The following SASH1 variants were observed in gnomAD, a reference collection of about 807,000 sequenced individuals.
SASH1 encodes the protein SAM and SH3 domain containing 1, also known as SAM and SH3 domain-containing protein 1.
In SASH1, 44 loss-of-function variants were observed where a neutral mutation model predicts 125.2. The ratio of observed to expected loss-of-function variants is 0.35; its 90% CI spans 0.28 to 0.45. The LOEUF is 0.45. Among genes scored for constraint, SASH1 ranks in the 20% least tolerant of loss-of-function variants. The pLI, the probability that SASH1 is intolerant of heterozygous loss-of-function variation, is 1.00. For synonymous variants in SASH1, 639 were observed against 649.1 expected (o/e 0.98, Z 0.24); for missense variants, 1,426 against 1,614.5 (o/e 0.88, Z 2.00).
At chr6:148,368,198 G>A (rs1418321974) in intron 1 of SASH1, among the ~76,000 whole-genome samples, 2 of 152,220 alleles carry the variant, frequency 1.3e-5, no homozygotes, top group African/African-American at 4.8e-5. Context: ...CCCAACTGCA[G>A]TGAGCCCGTA....
At chr6:148,240,090 T>C in the SASH1 span, 1 of 152,070 alleles carries the variant, frequency 6.6e-6, no homozygotes, top group South Asian at 2.1e-4. Context: ...ATATCAGAGA[T>C]CTGTCATTCA....
intron 19 of SASH1, 69 bp downstream of exon 19, chr6:148,546,215 A>G (rs754635346): frequency 9.4e-5 from 146 of 1,545,326 alleles, no homozygotes; most frequent in Non-Finnish European, 1.2e-4. Context: ...TGACCATACT[A>G]ACAACTGCCA....
At chr6:148,520,091 G>A in intron 10 of SASH1, 198 bp downstream of exon 10, 1 of 569,030 alleles carries the variant, frequency 1.8e-6, no homozygotes, top group Non-Finnish European at 3.1e-6. Flanking sequence ...ACCTGCAGCT[G>A]CTCCGGCAGA....
chr6:148,335,485 A>G (rs1781129889), intron 1 of SASH1, among the ~76,000 whole-genome samples: 1 of 148,478 alleles, frequency 6.7e-6, no homozygotes, highest in South Asian at 2.2e-4. Context: ...AAAAAAAAAA[A>G]GAATTCAAAT....
upstream of SASH1, among the ~76,000 whole-genome samples, chr6:148,337,874 G>A (rs1004034115): frequency 4.6e-5 from 7 of 152,056 alleles, no homozygotes; most frequent in African/African-American, 7.2e-5. Context: ...TTTATTATGA[G>A]CCACAGAATT....
At chr6:148,538,913 C>G (rs566099808) in intron 16 of SASH1, among the ~76,000 whole-genome samples, 2 of 151,496 alleles carry the variant, frequency 1.3e-5, no homozygotes, top group South Asian at 4.1e-4. Context: ...TGACCAAGCA[C>G]TTACTTACTC....
chr6:148,496,837 C>T (rs1779331732), intron 8 of SASH1, among the ~76,000 whole-genome samples: 1 of 151,396 alleles, frequency 6.6e-6, no homozygotes, highest in South Asian at 2.1e-4. Context: ...TGTACCACTG[C>T]ACTCCAGCCT....
intron 7 of SASH1, chr6:148,480,653 T>C (rs1172629623): frequency 6.5e-6 from 1 of 153,344 alleles, no homozygotes; most frequent in Non-Finnish European, 1.5e-5. Flanking sequence ...TCTGTTTCAT[T>C]TGTATGAATT....
chr6:148,326,359 CATATATATATAT>C (rs1212032481), intron 1 of SASH1, among the ~76,000 whole-genome samples: 5 of 14,604 alleles, frequency 3.4e-4, no homozygotes, highest in African/African-American at 1.1e-3. Context: ...TATATATATG[CATATATATATAT>C]ATACATTCTT....
At chr6:148,332,539 T>G (rs1315542416) in intron 1 of SASH1, among the ~76,000 whole-genome samples, 1 of 152,104 alleles carries the variant, frequency 6.6e-6, no homozygotes, top group African/African-American at 2.4e-5. Flanking sequence ...GCATTTTAAT[T>G]TCAATATTTA....
At chr6:148,428,151 C>G (rs1320255821) in intron 2 of SASH1, among the ~76,000 whole-genome samples, 2 of 152,216 alleles carry the variant, frequency 1.3e-5, no homozygotes, top group Admixed American at 6.5e-5. Context: ...TATGAACTAA[C>G]TGAATCCCTG....
chr6:148,206,516 G>T, the SASH1 span, among the ~76,000 whole-genome samples: 1 of 152,104 alleles, frequency 6.6e-6, no homozygotes, highest in African/African-American at 2.4e-5. Context: ...CAGGCCAGGT[G>T]CAGTGGCTCA....
upstream of SASH1, among the ~76,000 whole-genome samples, chr6:148,271,964 T>C (rs1236539577): frequency 6.6e-6 from 1 of 152,176 alleles, no homozygotes; most frequent in Non-Finnish European, 1.5e-5. Context: ...GGATCACTGT[T>C]GTATGTTAGT....
At chr6:148,213,928 C>T in the SASH1 span, among the ~76,000 whole-genome samples, 1 of 152,250 alleles carries the variant, frequency 6.6e-6, no homozygotes, top group South Asian at 2.1e-4. Context: ...CTAAATGTTT[C>T]CTAGTCTTTT....
chr6:148,484,611 C>T (rs1011355488), intron 7 of SASH1, among the ~76,000 whole-genome samples: 6 of 149,276 alleles, frequency 4.0e-5, no homozygotes, highest in African/African-American at 7.5e-5. Flanking sequence ...TGTTTTGTAA[C>T]TTTAAAACAC....
chr6:148,471,657 A>G (rs149879388), intron 6 of SASH1, among the ~76,000 whole-genome samples, 154 bp downstream of exon 6: 5 of 152,248 alleles, frequency 3.3e-5, no homozygotes, highest in Non-Finnish European at 5.9e-5. Context: ...TTATTACTTT[A>G]AGACTTTGTT....
chr6:148,400,016 T>C (rs1784110246), intron 2 of SASH1, among the ~76,000 whole-genome samples: 1 of 152,258 alleles, frequency 6.6e-6, no homozygotes, highest in South Asian at 2.1e-4. Context: ...CAGAAGCTAA[T>C]TATAGGCTAT....
Position 148,343,178 on chromosome 6 carries a change from A to T in SASH1, c.111A>T (p.Thr37=). ...CGGAGCCCAAGCCGGGTGCTGGCAC[A>T]TCCGAGGCGTTCTCCCGACTCTGGA... is the stretch of plus-strand genomic sequence containing the variant. ...PEPEPKPGAG[T]SEAFSRLWTD... is the part of the protein sequence containing the mutation. The change falls in exon 1 of 20, where the codon ACA becomes ACT. Residue 37 remains threonine, a synonymous_variant. Coordinates refer to ENST00000367467, the MANE Select transcript of SASH1 (RefSeq NM_015278.5). 6.2e-7 allele frequency: 1 copy of T among 1,600,322 alleles called. No individual in the cohort carries two copies. The highest frequency in any genetic ancestry group is 8.5e-7 in the Non-Finnish European group (1 of 1,179,170).
chr6:148,473,986 G>T, intron 6 of SASH1, 124 bp from the exon 7 acceptor site: 2 of 643,112 alleles, frequency 3.1e-6, no homozygotes, highest in Non-Finnish European at 5.5e-6. Context: ...CATCAGTAAC[G>T]TTCAACATAC....
Sources: gnomAD v4.1 joint callset for allele counts (sites outside exome capture counted in the v4.1 genomes callset) on GRCh38, gnomAD v4.1.1 for gene constraint, MANE v1.5 for transcripts, NCBI Gene and HGNC (gene_info 2026-07-23, HGNC 2026-07-21) for gene names.